Variants in PRKG1 observed in about 807,000 individuals in gnomAD.
PRKG1 encodes the protein protein kinase cGMP-dependent 1.
PRKG1 carries 35 observed loss-of-function variants against 88.1 expected under a neutral mutation model. That is an observed-to-expected ratio of 0.40 (90% CI 0.30 to 0.53). PRKG1 has a LOEUF of 0.53. Among genes scored for constraint, PRKG1 ranks in the 20% least tolerant of loss-of-function variants. PRKG1 has a pLI of 0.59. For missense variants in PRKG1, 540 were observed against 839.8 expected (o/e 0.64, Z 4.41); for synonymous variants, 303 against 292.5 (o/e 1.04, Z -0.37).
intron 2 of PRKG1, among the ~76,000 whole-genome samples, chr10:51,348,939 G>T (rs1019908601): frequency 2.0e-5 from 3 of 152,116 alleles, no homozygotes; most frequent in African/African-American, 7.2e-5. Context: ...ATTGGTAGCA[G>T]GTGAAATCCG....
At chr10:51,338,739 T>C (rs1841936065) in intron 2 of PRKG1, among the ~76,000 whole-genome samples, 1 of 152,208 alleles carries the variant, frequency 6.6e-6, no homozygotes, top group African/African-American at 2.4e-5. Flanking sequence ...ATCTTTGGGA[T>C]GTCTGATTAG....
At chr10:51,766,961 T>C (rs1353428451) in intron 3 of PRKG1, among the ~76,000 whole-genome samples, 1 of 152,176 alleles carries the variant, frequency 6.6e-6, no homozygotes, top group East Asian at 1.9e-4. Context: ...AACTCCACAA[T>C]AGAAGCCACT....
chr10:51,670,813 A>G (rs867568126), intron 3 of PRKG1, among the ~76,000 whole-genome samples: 1 of 151,820 alleles, frequency 6.6e-6, no homozygotes, highest in Non-Finnish European at 1.5e-5. Flanking sequence ...TTTTAAATCA[A>G]CAACAAAAGT....
rs118034557 is a variant in PRKG1, at chr10:51,434,625, G to A, written c.479-33098G>A. On this transcript the variant is annotated intron_variant, in intron 2 of 17. Coordinates refer to ENST00000373980, the MANE Select transcript of PRKG1 (RefSeq NM_006258.4). ...CATAGAATGAATGCTAAACAAGCTT[G>A]AGGACAATCAGCTGTTTAAAACGTA... Among the ~76,000 whole-genome samples the A allele has an allele frequency of 9.8e-3, 1,492 of 152,220 alleles. 33 individuals are homozygous for A. The highest frequency in any genetic ancestry group is 0.046 in the South Asian group (222 of 4,828).
chr10:51,993,408 A>G (rs894435037), intron 5 of PRKG1, among the ~76,000 whole-genome samples: 1 of 152,182 alleles, frequency 6.6e-6, no homozygotes. Context: ...GACGTGAGGA[A>G]CAAATCTAGT....
intron 3 of PRKG1, among the ~76,000 whole-genome samples, chr10:51,511,967 T>A (rs1312975089): frequency 1.3e-5 from 2 of 152,190 alleles, no homozygotes; most frequent in African/African-American, 4.8e-5. Flanking sequence ...CAAATTGCTA[T>A]GCATGACAAC....
chr10:51,584,827 C>G lies in PRKG1; in HGVS notation c.592+116991C>G, dbSNP rs549742195. 2.0e-5 allele frequency among the ~76,000 whole-genome samples: 3 copies of G among 152,082 alleles called. No individual in the cohort carries two copies. The South Asian group carries it at 6.2e-4, about 31-fold the overall frequency. ...TAGGAAGACTTAGGCTTCTCTTTACCAAGCTACTTTCTTTCTGCAGCATCA... is the reference window on the plus strand; with the variant it reads ...TAGGAAGACTTAGGCTTCTCTTTACGAAGCTACTTTCTTTCTGCAGCATCA... On this transcript the variant is annotated intron_variant, in intron 3 of 17. Coordinates refer to ENST00000373980, the MANE Select transcript of PRKG1 (RefSeq NM_006258.4).
At chr10:52,127,694 C>G (rs1847961810) in intron 7 of PRKG1, among the ~76,000 whole-genome samples, 1 of 152,120 alleles carries the variant, frequency 6.6e-6, no homozygotes, top group African/African-American at 2.4e-5. Flanking sequence ...GTGATGATGA[C>G]CATGATCATG....
upstream of PRKG1, among the ~76,000 whole-genome samples, chr10:51,073,927 G>T (rs1388092988): frequency 1.3e-5 from 2 of 152,174 alleles, no homozygotes; most frequent in African/African-American, 4.8e-5. Flanking sequence ...AGTGAGGCCG[G>T]CCGTCAAAAT....
intron 2 of PRKG1, chr10:51,306,727 A>G (rs1049653422): frequency 3.9e-5 from 6 of 152,220 alleles, no homozygotes; most frequent in Non-Finnish European, 7.3e-5. Context: ...AACTCATCCC[A>G]TTGAAGACAA....
chr10:52,091,009 T>A (rs1847043410), intron 7 of PRKG1, among the ~76,000 whole-genome samples: 1 of 152,182 alleles, frequency 6.6e-6, no homozygotes, highest in Non-Finnish European at 1.5e-5. Flanking sequence ...TTTCGAGGAC[T>A]GAAAACAACA....
chr10:51,820,064 A>C (rs960188995), intron 4 of PRKG1, among the ~76,000 whole-genome samples: 3 of 152,174 alleles, frequency 2.0e-5, no homozygotes, highest in African/African-American at 7.2e-5. Context: ...TATAAAACTT[A>C]TAGAAACCGA....
At chr10:52,019,643 T>A (rs2133188395) in intron 5 of PRKG1, among the ~76,000 whole-genome samples, 1 of 152,334 alleles carries the variant, frequency 6.6e-6, no homozygotes, top group Middle Eastern at 3.4e-3. Flanking sequence ...CAGTCATTTA[T>A]AAAGAAGGCA....
chr10:51,902,243 A>G (rs1402047529), intron 4 of PRKG1, among the ~76,000 whole-genome samples: 2 of 151,986 alleles, frequency 1.3e-5, no homozygotes, highest in African/African-American at 2.4e-5. Context: ...CAGCTTCCCA[A>G]ACACCTGGGA....
intron 5 of PRKG1, among the ~76,000 whole-genome samples, chr10:51,989,352 T>G (rs1012531736): frequency 6.6e-6 from 1 of 151,960 alleles, no homozygotes; most frequent in Non-Finnish European, 1.5e-5. Context: ...TCATCAAAGA[T>G]CTATTCATTT....
At chr10:51,882,617 C>T (rs12768953) in intron 4 of PRKG1, among the ~76,000 whole-genome samples, 6,022 of 152,228 alleles carry the variant, frequency 0.04, 186 homozygotes, top group Admixed American at 0.11. Flanking sequence ...TTGTATTCTT[C>T]GCCCCTCTAT....
intron 9 of PRKG1, among the ~76,000 whole-genome samples, chr10:52,165,226 G>A (rs146495885): frequency 0.019 from 2,955 of 152,014 alleles, 61 homozygotes; most frequent in African/African-American, 0.051. Context: ...AATTAATATC[G>A]GAAGTTTTCT....
chr10:51,912,651 T>C (rs930054244), intron 5 of PRKG1, among the ~76,000 whole-genome samples: 23 of 152,134 alleles, frequency 1.5e-4, no homozygotes, highest in African/African-American at 5.5e-4. Flanking sequence ...GAAAGTGATA[T>C]GGATAGTTAA....
At chr10:50,995,980 G>A (rs954447054) in intron 1 of PRKG1, among the ~76,000 whole-genome samples, 4 of 152,130 alleles carry the variant, frequency 2.6e-5, no homozygotes, top group African/African-American at 9.7e-5. Flanking sequence ...TTTGACCTTA[G>A]GACGAAATCA....
Sources: allele counts gnomAD v4.1 joint callset (sites outside exome capture counted in the v4.1 genomes callset), GRCh38; gene constraint gnomAD v4.1.1; transcripts MANE v1.5; gene names NCBI Gene and HGNC (gene_info 2026-07-23, HGNC 2026-07-21).